BMP2K: variants seen among roughly 807,000 people sequenced by gnomAD.
The protein encoded by BMP2K is BMP-2-inducible protein kinase.
A neutral mutation model predicts 116.0 loss-of-function variants in BMP2K; 74 were observed. The ratio of observed to expected loss-of-function variants is 0.64; its 90% CI spans 0.53 to 0.77. The LOEUF (loss-of-function observed/expected upper bound fraction) is 0.77. BMP2K is among the 30% of genes least tolerant of loss of function. The pLI, the probability that BMP2K is intolerant of heterozygous loss-of-function variation, is 0.00. For missense variants in BMP2K, 1,365 were observed against 1,403.6 expected (o/e 0.97, Z 0.44); for synonymous variants, 486 against 502.5 (o/e 0.97, Z 0.44).
intron 1 of BMP2K, among the ~76,000 whole-genome samples, chr4:78,815,967 C>G (rs775584274): frequency 5.3e-5 from 8 of 152,174 alleles, no homozygotes; most frequent in Admixed American, 1.3e-4. Context: ...CAACAACAAA[C>G]ATGTTTTACA....
rs190140845 is a variant in BMP2K at position 78,845,289 on chromosome 4, T to G, written c.668+240T>G. ...GATTTGTAAAATTTGTTAAATAAGC[T>G]GTAGTAATTAGTGAAATTGTTAAAG... On this transcript the variant is annotated intron_variant, in intron 5 of 15. Coordinates refer to ENST00000502613, the MANE Select transcript of BMP2K (RefSeq NM_198892.2). Among the ~76,000 whole-genome samples the G allele has an allele frequency of 2.8e-4, 43 of 151,758 alleles. No individual in the cohort carries two copies. The East Asian group carries it at 8.3e-3, about 29-fold the overall frequency.
At chr4:78,801,115 C>T (rs1728547131) in intron 1 of BMP2K, among the ~76,000 whole-genome samples, 1 of 152,110 alleles carries the variant, frequency 6.6e-6, no homozygotes, top group Non-Finnish European at 1.5e-5. Flanking sequence ...GATCTATGCA[C>T]AAATTACCCA....
intron 7 of BMP2K, 120 bp downstream of exon 7, chr4:78,851,176 G>A: frequency 9.5e-7 from 1 of 1,050,360 alleles, no homozygotes; most frequent in Middle Eastern, 3.2e-4. Context: ...TGAAACTATA[G>A]TAAAGAAAAA....
At chr4:78,813,155 G>T (rs1038436390) in intron 1 of BMP2K, among the ~76,000 whole-genome samples, 9 of 152,032 alleles carry the variant, frequency 5.9e-5, no homozygotes, top group African/African-American at 1.9e-4. Context: ...CAGTCCAAAA[G>T]CCCTGAAACC....
chr4:78,810,237 C>G (rs1729019155), intron 1 of BMP2K, among the ~76,000 whole-genome samples: 1 of 152,174 alleles, frequency 6.6e-6, no homozygotes, highest in Non-Finnish European at 1.5e-5. Flanking sequence ...TCCTCGTGAG[C>G]CTTCTTTCTT....
At chr4:78,782,933 C>G (rs1043217947) in intron 1 of BMP2K, among the ~76,000 whole-genome samples, 5 of 152,178 alleles carry the variant, frequency 3.3e-5, no homozygotes, top group Middle Eastern at 3.4e-3. Context: ...GTTTCCTCTT[C>G]TGAAACAAGG....
intron 7 of BMP2K, chr4:78,859,346 T>G (rs1226629865): frequency 3.1e-6 from 1 of 321,598 alleles, no homozygotes; most frequent in African/African-American, 2.1e-5. Context: ...ATCAAGTTTG[T>G]CATTCATACT....
chr4:78,803,582 T>C (rs1728677035), intron 1 of BMP2K, among the ~76,000 whole-genome samples: 1 of 152,076 alleles, frequency 6.6e-6, no homozygotes, highest in African/African-American at 2.4e-5. Flanking sequence ...TTTCGCCATG[T>C]TGTCCAGGCT....
chr4:78,885,584 G>C (rs1038886893), intron 14 of BMP2K, among the ~76,000 whole-genome samples: 1 of 152,098 alleles, frequency 6.6e-6, no homozygotes, highest in African/African-American at 2.4e-5. Context: ...ATTCTACTTG[G>C]GTTCTGCCTC....
Position 78,872,669 on chromosome 4 carries a change from C to T in BMP2K, c.1664C>T (p.Pro555Leu), listed in dbSNP as rs780640612. ...FQQQMLAQHQ[P>L]SQQQASPEYL... ...CAGCAGATGCTAGCTCAACATCAGC[C>T]GTCTCAACAACAGGCATCACCTGAA... The change falls in exon 13 of 16, where the codon CCG becomes CTG. Residue 555 changes from proline to leucine, a missense_variant. This residue lies in a region of BMP2K where 762 missense variants were observed against 756.7 expected (regional missense o/e 1.01). Coordinates refer to ENST00000502613, the MANE Select transcript of BMP2K (RefSeq NM_198892.2). 25 of 1,613,962 alleles carry T rather than the reference C, an allele frequency of 1.5e-5. No homozygotes were observed. Among genetic ancestry groups the T allele is most frequent in the East Asian group, 4.5e-5 (2 of 44,892 alleles).
chr4:78,842,359 C>A, intron 3 of BMP2K, 26 bp from the exon 4 acceptor site: 1 of 1,560,298 alleles, frequency 6.4e-7, no homozygotes. Flanking sequence ...AAAAATATGT[C>A]CTCTCAAAAT....
chr4:78,822,821 C>T (rs149564640), intron 1 of BMP2K, among the ~76,000 whole-genome samples: 11 of 152,028 alleles, frequency 7.2e-5, no homozygotes, highest in East Asian at 5.8e-4. Context: ...GAGTGATGAA[C>T]GTGAAATTGG....
chr4:78,871,987 A>G, intron 12 of BMP2K, 39 bp downstream of exon 12: 1 of 1,405,212 alleles, frequency 7.1e-7, no homozygotes, highest in Non-Finnish European at 9.9e-7. Context: ...CTGAGTATAC[A>G]TTATGGTGTT....
intron 13 of BMP2K, among the ~76,000 whole-genome samples, chr4:78,875,195 A>G (rs536834267): frequency 6.0e-4 from 91 of 152,316 alleles, no homozygotes; most frequent in African/African-American, 2.1e-3. Context: ...TTCTGTAACA[A>G]TTTAAAAAGA....
intron 14 of BMP2K, 27 bp downstream of exon 14, chr4:78,878,918 G>A: frequency 1.3e-6 from 2 of 1,593,150 alleles, no homozygotes; most frequent in South Asian, 1.2e-5. Context: ...GGCTTATTTT[G>A]CTTCACAGTA....
At chr4:78,830,716 T>C (rs747091894) in intron 2 of BMP2K, among the ~76,000 whole-genome samples, 5 of 152,230 alleles carry the variant, frequency 3.3e-5, no homozygotes, top group Admixed American at 6.5e-5. Flanking sequence ...TTAAACCTCA[T>C]GAACCAACCT....
intron 1 of BMP2K, among the ~76,000 whole-genome samples, chr4:78,819,051 C>T (rs947834626): frequency 7.9e-5 from 12 of 151,890 alleles, no homozygotes; most frequent in Admixed American, 6.6e-4. Context: ...ATGTATAATG[C>T]CTGGTAAGTG....
In BMP2K at chr4:78,878,777, A is replaced by G. The variant is rs1488532459; in HGVS notation, c.1837A>G (p.Lys613Glu). The G allele has an allele frequency of 6.2e-7, 1 of 1,612,772 alleles. No individual in the cohort carries two copies. Among genetic ancestry groups the G allele is most frequent in the African/African-American group, 1.3e-5 (1 of 74,880 alleles). The change falls in exon 14 of 16, where the codon AAG (lysine) becomes GAG (glutamate). Residue 613 changes from lysine to glutamate, a missense_variant. Coordinates refer to ENST00000502613, the MANE Select transcript of BMP2K (RefSeq NM_198892.2). The stretch of plus-strand genomic sequence containing the variant: ...GGCCATTGCAAATTTCACAAATCAG[A>G]AGAACATCAGCAATCCACCTGATAT... ...KEAIANFTNQKNISNPPDMSG... is the reference protein window; with the variant it reads ...KEAIANFTNQENISNPPDMSG...
chr4:78,867,359 T>C (rs753869416), intron 10 of BMP2K, among the ~76,000 whole-genome samples: 8 of 152,122 alleles, frequency 5.3e-5, no homozygotes, highest in Non-Finnish European at 1.0e-4. Flanking sequence ...AGTGGTCTTA[T>C]TTTGATCCAT....
Sources: gnomAD v4.1 joint callset for allele counts (sites outside exome capture counted in the v4.1 genomes callset) on GRCh38, gnomAD v4.1.1 for gene constraint, gnomAD v4.1.1 regional missense constraint, MANE v1.5 for transcripts, NCBI Gene and HGNC (gene_info 2026-07-23, HGNC 2026-07-21) for gene names.